The following TNR variants were observed in gnomAD, a reference collection of about 807,000 sequenced individuals.
The protein encoded by TNR is tenascin R, also known as tenascin-R.
A neutral mutation model predicts 150.4 loss-of-function variants in TNR; 45 were observed. That is an observed-to-expected ratio of 0.30 (90% CI 0.24 to 0.38). TNR has a LOEUF of 0.38. Among genes scored for constraint, TNR ranks in the 10% least tolerant of loss-of-function variants. The pLI, the probability that TNR is intolerant of heterozygous loss-of-function variation, is 1.00. For synonymous variants in TNR, 687 were observed against 678.4 expected (o/e 1.01, Z -0.20); for missense variants, 1,544 against 1,759.1 (o/e 0.88, Z 2.19).
chr1:175,680,688 G>T (rs1040125835), intron 1 of TNR, among the ~76,000 whole-genome samples: 3 of 152,180 alleles, frequency 2.0e-5, no homozygotes, highest in Non-Finnish European at 4.4e-5. Flanking sequence ...GTGCAATAAG[G>T]GGTGGGGACA....
chr1:175,592,455 C>T (rs961136486), intron 1 of TNR, among the ~76,000 whole-genome samples: 4 of 152,238 alleles, frequency 2.6e-5, no homozygotes, highest in Admixed American at 6.5e-5. Flanking sequence ...TGGTGATCCA[C>T]GTAGGTGACC....
intron 1 of TNR, among the ~76,000 whole-genome samples, chr1:175,648,430 A>G (rs1213241342): frequency 6.6e-6 from 1 of 152,062 alleles, no homozygotes; most frequent in Non-Finnish European, 1.5e-5. Context: ...AACATCTTAA[A>G]AGGGCAACCA....
At chr1:175,467,023 G>T (rs1049133402) in intron 2 of TNR, among the ~76,000 whole-genome samples, 1 of 152,068 alleles carries the variant, frequency 6.6e-6, no homozygotes, top group Non-Finnish European at 1.5e-5. Flanking sequence ...GGGATTCCAG[G>T]GCCTGGCAAA....
intron 1 of TNR, among the ~76,000 whole-genome samples, chr1:175,550,491 C>T (rs1205586995): frequency 6.6e-6 from 1 of 151,772 alleles, no homozygotes; most frequent in Non-Finnish European, 1.5e-5. Context: ...TGGAACTCTT[C>T]CCCCCTCACC....
chr1:175,396,764 C>A lies in TNR; in HGVS notation c.1020G>T (p.Arg340Ser), dbSNP rs1168204058. Residue 340 changes from arginine (R) to serine (S), a missense_variant, in exon 5 of 23, where the codon AGG becomes AGT. By Grantham distance (110) the Arg-to-Ser change is moderately radical. Coordinates refer to ENST00000367674, the MANE Select transcript of TNR (RefSeq NM_003285.3). Reference sequence around the variant, plus strand: ...GCCCGTCCCATTCCAGCTCAATGGACCTGTCGCTGATACCAGCCACTCGCA... The same window carrying A: ...GCCCGTCCCATTCCAGCTCAATGGAACTGTCGCTGATACCAGCCACTCGCA... Reference protein sequence around the residue: ...EDLRVAGISDRSIELEWDGPM... With the variant: ...EDLRVAGISDSSIELEWDGPM... 1 of 1,613,966 alleles carries A rather than the reference C, an allele frequency of 6.2e-7. No homozygotes were observed. The highest frequency in any genetic ancestry group is 2.2e-5 in the East Asian group (1 of 44,892).
chr1:175,359,651 C>T lies in TNR; in HGVS notation c.2935G>A (p.Glu979Lys). The change falls in exon 15 of 23, where the codon GAG becomes AAG. Residue 979 changes from glutamate (E) to lysine (K), a missense_variant. By Grantham distance (56) the Glu-to-Lys change is moderately conservative. Transcript: ENST00000367674. ...ALLQWKAPVG[E>K]VENYVIVLTH... Reference sequence around the variant, plus strand: ...AGAACAATGACGTAGTTCTCCACCTCACCCACTGGTGCCTTCCACTGCAGC... The same window carrying T: ...AGAACAATGACGTAGTTCTCCACCTTACCCACTGGTGCCTTCCACTGCAGC... 6.2e-7 allele frequency: 1 copy of T among 1,613,930 alleles called. No individual in the cohort carries two copies. The highest frequency in any genetic ancestry group is 8.5e-7 in the Non-Finnish European group (1 of 1,179,894).
At chr1:175,694,196 G>T (rs1011203371) in intron 1 of TNR, among the ~76,000 whole-genome samples, 10 of 152,130 alleles carry the variant, frequency 6.6e-5, no homozygotes, top group African/African-American at 2.4e-4. Context: ...AGTATCCCAA[G>T]GGATATCCCT....
At chr1:175,618,691 G>A (rs746648304) in intron 1 of TNR, among the ~76,000 whole-genome samples, 10 of 152,158 alleles carry the variant, frequency 6.6e-5, no homozygotes, top group Non-Finnish European at 1.3e-4. Flanking sequence ...GCAGGGAGTG[G>A]AATCCCCCAA....
In TNR at chr1:175,535,561, C is replaced by T. The variant is rs190747983; in HGVS notation, c.-164-7192G>A. On this transcript the variant is annotated intron_variant, in intron 1 of 22. Transcript: ENST00000367674. ...CTGCAAGCTCTGCCTCCCGGGTTCA[C>T]GCTATTCTCCTGCCTCAGCCTCCCA... 2.1e-3 allele frequency among the ~76,000 whole-genome samples: 322 copies of T among 151,788 alleles called. 1 individual carries two copies. The highest frequency in any genetic ancestry group is 7.3e-3 in the African/African-American group (303 of 41,386).
At chr1:175,427,506 C>G (rs944851487) in intron 2 of TNR, among the ~76,000 whole-genome samples, 16 of 152,180 alleles carry the variant, frequency 1.1e-4, no homozygotes, top group African/African-American at 3.6e-4. Context: ...CATTTCAGTG[C>G]TCAATGGTCC....
At chr1:175,425,004 G>T (rs1185154918) in intron 2 of TNR, among the ~76,000 whole-genome samples, 1 of 152,090 alleles carries the variant, frequency 6.6e-6, no homozygotes, top group African/African-American at 2.4e-5. Flanking sequence ...ATGGGTTCTT[G>T]CCCTCTAGAG....
At chr1:175,333,412 G>C (rs544731872) in intron 20 of TNR, 1 of 152,300 alleles carries the variant, frequency 6.6e-6, no homozygotes, top group African/African-American at 2.4e-5. Context: ...CGATTCATGG[G>C]TATTACACTT....
intron 1 of TNR, among the ~76,000 whole-genome samples, chr1:175,688,197 G>A (rs1374861432): frequency 6.6e-6 from 1 of 152,204 alleles, no homozygotes; most frequent in Non-Finnish European, 1.5e-5. Flanking sequence ...AGGTTCCAGA[G>A]CATTCTAGGC....
chr1:175,646,880 A>G (rs905548305), intron 1 of TNR, among the ~76,000 whole-genome samples: 19 of 152,206 alleles, frequency 1.2e-4, no homozygotes, highest in Admixed American at 9.8e-4. Flanking sequence ...TCTTGATCCA[A>G]TACTCACATT....
In TNR at chr1:175,396,851, C is replaced by T. The variant is rs754627083; in HGVS notation, c.977-44G>A. On this transcript the variant is annotated intron_variant, in intron 4 of 22. Coordinates refer to ENST00000367674, the MANE Select transcript of TNR (RefSeq NM_003285.3). ...CAGATAGCATGAGCTCAGAGGATTGCCTTCCCCATCCTGGACTCAACTTTC... is the reference window on the plus strand; with the variant it reads ...CAGATAGCATGAGCTCAGAGGATTGTCTTCCCCATCCTGGACTCAACTTTC... 1.1e-5 allele frequency: 17 copies of T among 1,580,716 alleles called. 1 individual carries two copies. In the South Asian group the frequency reaches 1.3e-4, roughly 12 times the overall value.
intron 2 of TNR, among the ~76,000 whole-genome samples, chr1:175,439,298 G>A (rs1267689029): frequency 3.3e-5 from 5 of 152,110 alleles, no homozygotes; most frequent in Admixed American, 1.3e-4. Context: ...TTAACAAATG[G>A]TGCTGGGAAA....
At chr1:175,612,761 A>T (rs1226984033) in intron 1 of TNR, among the ~76,000 whole-genome samples, 1 of 152,256 alleles carries the variant, frequency 6.6e-6, no homozygotes, top group Non-Finnish European at 1.5e-5. Flanking sequence ...GAAGAAAATC[A>T]TACTGTGGGA....
intron 1 of TNR, among the ~76,000 whole-genome samples, chr1:175,537,891 G>A (rs1477387078): frequency 1.3e-5 from 2 of 152,160 alleles, no homozygotes; most frequent in African/African-American, 4.8e-5. Context: ...TGGTGGTGGG[G>A]GGCGGTTCCA....
intron 2 of TNR, among the ~76,000 whole-genome samples, chr1:175,491,470 G>T (rs1169041300): frequency 6.6e-6 from 1 of 151,678 alleles, no homozygotes; most frequent in South Asian, 2.1e-4. Flanking sequence ...TTCTTTACCT[G>T]CTTACAGGGA....
Sources: allele counts gnomAD v4.1 joint callset (sites outside exome capture counted in the v4.1 genomes callset), GRCh38; gene constraint gnomAD v4.1.1; transcripts MANE v1.5; gene names NCBI Gene and HGNC (gene_info 2026-07-23, HGNC 2026-07-21).